The following SYMPK variants were observed in gnomAD, a reference collection of about 807,000 sequenced individuals.
SYMPK encodes the protein symplekin scaffold protein.
In SYMPK, 49 loss-of-function variants were observed where a neutral mutation model predicts 136.4. The ratio of observed to expected loss-of-function variants is 0.36; its 90% CI spans 0.29 to 0.46. SYMPK has a LOEUF of 0.46. Among genes scored for constraint, SYMPK ranks in the 20% least tolerant of loss-of-function variants. The probability of loss-of-function intolerance (pLI) is 1.00; values close to 1 mark genes in which losing one functional copy is unlikely to be tolerated. For missense variants in SYMPK, 1,365 were observed against 1,690.0 expected, an observed-to-expected ratio of 0.81 and a Z score of 3.37; for synonymous variants, 766 against 713.0, an observed-to-expected ratio of 1.07 and a Z score of -1.19.
At chr19:45,852,641 G>T in intron 3 of SYMPK, 106 bp from the exon 4 acceptor site, 1 of 1,351,498 alleles carries the variant, frequency 7.4e-7, no homozygotes, top group Non-Finnish European at 1.1e-6. Flanking sequence ...CTAGGCAGCA[G>T]ATACACTCAT....
At chr19:45,847,690 G>A in intron 7 of SYMPK, 62 bp downstream of exon 7, 2 of 1,557,688 alleles carry the variant, frequency 1.3e-6, no homozygotes, top group Non-Finnish European at 1.7e-6. Context: ...GAGAGGGAGG[G>A]GCGTGAAGGA....
At chr19:45,823,746 G>A (rs1290063947) in intron 19 of SYMPK, 21 bp downstream of exon 19, 24 of 1,603,282 alleles carry the variant, frequency 1.5e-5, no homozygotes, top group East Asian at 2.2e-5. Context: ...AGCCATGAAA[G>A]GTGGGGGTCT....
At chr19:45,846,402 A>G (rs1470629696) in intron 7 of SYMPK, among the ~76,000 whole-genome samples, 1 of 152,218 alleles carries the variant, frequency 6.6e-6, no homozygotes, top group Non-Finnish European at 1.5e-5. Flanking sequence ...AATACATAAG[A>G]ATAGTTAATA....
rs1971084153 is a variant in SYMPK at position 45,827,894 on chromosome 19, C to T, written c.2010G>A (p.Glu670=). ...KDGIFTKVVL[E]APLITESALE... is the part of the protein sequence containing the mutation. ...GGGCACTCTCTGTGATGAGTGGCGC[C>T]TCCAGCACAACCTTGGTGAAGATCC... Residue 670 remains glutamate (E), a synonymous_variant, in exon 15 of 27, where the codon GAG becomes GAA. Transcript: ENST00000245934. 4 of 1,613,882 alleles carry T rather than the reference C, an allele frequency of 2.5e-6. No homozygotes were observed. Among genetic ancestry groups the T allele is most frequent in the Non-Finnish European group, 3.4e-6 (4 of 1,180,040 alleles).
chr19:45,829,861 AC>A (rs1422469075), intron 13 of SYMPK, among the ~76,000 whole-genome samples, 192 bp downstream of exon 13: 1 of 152,162 alleles, frequency 6.6e-6, no homozygotes, highest in Non-Finnish European at 1.5e-5. Flanking sequence ...CCTCCTCGTC[AC>A]CCAGGAGGAG....
intron 17 of SYMPK, 84 bp from the exon 18 acceptor site, chr19:45,825,415 G>C: frequency 1.3e-6 from 2 of 1,497,278 alleles, no homozygotes; most frequent in Non-Finnish European, 1.8e-6. Flanking sequence ...TTCTTGGGCA[G>C]TGGAGCCGGG....
At chr19:45,829,444 C>A in intron 13 of SYMPK, among the ~76,000 whole-genome samples, 1 of 152,094 alleles carries the variant, frequency 6.6e-6, no homozygotes, top group African/African-American at 2.4e-5. Context: ...AGGAGCAGCA[C>A]CCATGTACTT....
At chr19:45,834,943 G>A in intron 11 of SYMPK, 135 bp downstream of exon 11, 1 of 768,840 alleles carries the variant, frequency 1.3e-6, no homozygotes, top group Non-Finnish European at 1.9e-6. Context: ...ATCTATCTGT[G>A]GTACCTGTCA....
In SYMPK at chr19:45,815,908, G is replaced by A. The variant is rs947907264; in HGVS notation, c.3630C>T (p.Asp1210=). Residue 1210 remains aspartate (D), a synonymous_variant, in exon 26 of 27, where the codon GAC becomes GAT. Transcript: ENST00000245934. Reference sequence around the variant, plus strand: ...ACAGCGCGGCCTCGGTCAGCCCCGAGTCGTCATCCATGCTGATGAAGATGC... The same window carrying A: ...ACAGCGCGGCCTCGGTCAGCCCCGAATCGTCATCCATGCTGATGAAGATGC... ...TPGIFISMDD[D]SGLTEAALLD... is the part of the protein sequence containing the mutation. The A allele has an allele frequency of 5.6e-6, 9 of 1,612,296 alleles. No individual in the cohort carries two copies. The highest frequency in any genetic ancestry group is 1.7e-5 in the Admixed American group (1 of 59,962).
intron 11 of SYMPK, among the ~76,000 whole-genome samples, chr19:45,834,212 C>T (rs942163051): frequency 3.3e-5 from 5 of 150,936 alleles, no homozygotes; most frequent in African/African-American, 7.3e-5. Flanking sequence ...GGCGTGAACC[C>T]GAGAAGCGGA....
intron 13 of SYMPK, 148 bp downstream of exon 13, chr19:45,829,906 G>A: frequency 1.1e-6 from 1 of 874,672 alleles, no homozygotes; most frequent in Non-Finnish European, 1.7e-6. Context: ...TGGAGGATGG[G>A]AGTGATCTGG....
rs752519438 is a variant in SYMPK, at chr19:45,815,661, G to C, written c.3724C>G (p.Arg1242Gly). The change falls in exon 27 of 27, where the codon CGG becomes GGG. Residue 1242 changes from arginine (R) to glycine (G), a missense_variant. Around this residue, in one of 11 missense-constraint regions of SYMPK, gnomAD observed 341 missense variants for 270.5 expected, o/e 1.26. Coordinates refer to ENST00000245934, the MANE Select transcript of SYMPK (RefSeq NM_004819.3). ...ACAGGTGCGAGGGTCTGGGGGCTCC[G>C]CTCCTCCTTCAAGGTCAGCCCGCCC... ...AAGGLTLKEERSPQTLAPVGE... is the reference protein window; with the variant it reads ...AAGGLTLKEEGSPQTLAPVGE... The C allele has an allele frequency of 8.1e-6, 13 of 1,610,280 alleles. No individual in the cohort carries two copies. In the South Asian group the frequency reaches 9.9e-5, roughly 12 times the overall value.
Position 45,826,292 on chromosome 19 carries a change from T to C in SYMPK, c.2263A>G (p.Asn755Asp), listed in dbSNP as rs1284265183. The change falls in exon 17 of 27, where the codon AAC becomes GAC. Residue 755 changes from asparagine to aspartate, a missense_variant. By Grantham distance (23) the Asn-to-Asp change is conservative. Transcript: ENST00000245934. ...GGGTGCACCAGGAGCTGCAGGTAGT[T>C]GAGGGCAAATTTCTCCACATACTCC... Reference protein sequence around the residue: ...LREYVEKFALNYLQLLVHPNP... With the variant: ...LREYVEKFALDYLQLLVHPNP... The C allele has an allele frequency of 6.2e-7, 1 of 1,613,798 alleles. No homozygotes were observed. Among genetic ancestry groups the C allele is most frequent in the Non-Finnish European group, 8.5e-7 (1 of 1,179,976 alleles).
chr19:45,834,973 C>T, intron 11 of SYMPK, 105 bp downstream of exon 11: 1 of 1,133,772 alleles, frequency 8.8e-7, no homozygotes, highest in East Asian at 2.5e-5. Context: ...CCTTAGCTCC[C>T]ACATGATTTT....
chr19:45,831,876 C>A (rs1230214639), intron 11 of SYMPK, among the ~76,000 whole-genome samples: 1 of 148,854 alleles, frequency 6.7e-6, no homozygotes, highest in Non-Finnish European at 1.5e-5. Flanking sequence ...CTCTGTCACC[C>A]AGGCTGGAGT....
At chr19:45,859,885 G>A (rs1971919705) in intron 1 of SYMPK, among the ~76,000 whole-genome samples, 1 of 140,902 alleles carries the variant, frequency 7.1e-6, no homozygotes, top group African/African-American at 2.7e-5. Flanking sequence ...CTAGACATAT[G>A]CACAATTAGC....
chr19:45,832,069 C>T (rs1213694988), intron 11 of SYMPK, among the ~76,000 whole-genome samples: 3 of 152,170 alleles, frequency 2.0e-5, no homozygotes, highest in African/African-American at 7.2e-5. Context: ...TCTTGAACTC[C>T]TGGGCTCAAG....
chr19:45,850,244 C>T (rs1178314745), intron 5 of SYMPK, among the ~76,000 whole-genome samples: 2 of 151,782 alleles, frequency 1.3e-5, no homozygotes, highest in African/African-American at 4.8e-5. Flanking sequence ...GATTCCATCT[C>T]AAAAAAATAA....
intron 16 of SYMPK, 82 bp from the exon 17 acceptor site, chr19:45,826,455 A>C: frequency 5.8e-5 from 85 of 1,475,438 alleles, no homozygotes; most frequent in Non-Finnish European, 7.0e-5. Context: ...GGCAACACTC[A>C]CGTGAAAACA....
Sources: allele counts gnomAD v4.1 joint callset (sites outside exome capture counted in the v4.1 genomes callset), GRCh38; gene constraint gnomAD v4.1.1; regional missense constraint gnomAD v4.1.1; transcripts MANE v1.5; gene names NCBI Gene and HGNC (gene_info 2026-07-23, HGNC 2026-07-21).